The following ZFHX3 variants were observed in gnomAD, a reference collection of about 807,000 sequenced individuals.
ZFHX3 encodes the protein zinc finger homeobox 3, also known as zinc finger homeobox protein 3.
Under a neutral mutation model 279.1 loss-of-function variants are expected in ZFHX3, and 42 were observed. The observed-to-expected ratio is 0.15, with a 90% confidence interval of 0.12 to 0.19. ZFHX3 has a LOEUF of 0.19. Ranked by LOEUF, ZFHX3 falls within the 10% of genes least tolerant of loss-of-function variation. The pLI is 1.00. For synonymous variants in ZFHX3, 2,293 were observed against 1,957.8 expected, an observed-to-expected ratio of 1.17 and a Z score of -4.52; for missense variants, 4,981 against 4,754.0, an observed-to-expected ratio of 1.05 and a Z score of -1.40.
chr16:73,725,964 C>A (rs78957654), intron 1 of ZFHX3, among the ~76,000 whole-genome samples: 1 of 152,056 alleles, frequency 6.6e-6, no homozygotes, highest in African/African-American at 2.4e-5. Context: ...TATATGGATT[C>A]CTTTCACCAT....
intron 2 of ZFHX3, chr16:73,487,765 G>A (rs2018999760): frequency 6.2e-6 from 1 of 161,154 alleles, no homozygotes; most frequent in Non-Finnish European, 1.4e-5. Context: ...AGTTGTTTTG[G>A]CTGATGGGAC....
chr16:73,556,208 T>C (rs1039384431), intron 2 of ZFHX3, among the ~76,000 whole-genome samples: 41 of 152,162 alleles, frequency 2.7e-4, no homozygotes, highest in Non-Finnish European at 4.6e-4. Flanking sequence ...TTGGCTTTCA[T>C]AACAGCCACT....
intron 2 of ZFHX3, among the ~76,000 whole-genome samples, chr16:73,475,221 G>A (rs1862776): frequency 0.85 from 129,910 of 152,276 alleles, 55,743 homozygotes; most frequent in East Asian, 0.96. Context: ...TAAAATATTA[G>A]CGTATTCACC....
In ZFHX3 at chr16:72,906,747, G is replaced by A. The variant is rs967147045; in HGVS notation, c.3217-16785C>T. On this transcript the variant is annotated intron_variant, in intron 3 of 9. Coordinates refer to ENST00000268489, the MANE Select transcript of ZFHX3 (RefSeq NM_006885.4). ...TGGGAGCTGGAGGTTACAGTGAGCC[G>A]AGATCATGCCACTGCACTCCAGACT... 3.9e-5 allele frequency among the ~76,000 whole-genome samples: 6 copies of A among 152,118 alleles called. No individual in the cohort carries two copies. The South Asian group carries it at 6.2e-4, about 16-fold the overall frequency.
intron 2 of ZFHX3, among the ~76,000 whole-genome samples, chr16:73,581,396 T>C (rs1197564642): frequency 6.6e-6 from 1 of 151,788 alleles, no homozygotes; most frequent in Non-Finnish European, 1.5e-5. Flanking sequence ...TCATATACTG[T>C]TTGTATAAGT....
intron 5 of ZFHX3, among the ~76,000 whole-genome samples, chr16:73,203,194 T>C (rs1427136160): frequency 6.6e-6 from 1 of 151,996 alleles, no homozygotes; most frequent in Non-Finnish European, 1.5e-5. Flanking sequence ...GCCTTGAGGG[T>C]CGAGACTATG....
intron 8 of ZFHX3, among the ~76,000 whole-genome samples, chr16:73,087,810 C>T (rs1409193474): frequency 2.0e-5 from 3 of 151,914 alleles, no homozygotes; most frequent in African/African-American, 4.8e-5. Context: ...ACAAGCCAAG[C>T]CAAACTTTCA....
intron 1 of ZFHX3, among the ~76,000 whole-genome samples, chr16:73,875,036 T>C (rs905875962): frequency 6.6e-5 from 10 of 152,154 alleles, no homozygotes; most frequent in Non-Finnish European, 1.5e-4. Flanking sequence ...CAGAAAGAAC[T>C]TTTCCCGGGT....
intron 3 of ZFHX3, among the ~76,000 whole-genome samples, chr16:73,336,348 G>A (rs2015912509): frequency 1.3e-5 from 2 of 152,082 alleles, no homozygotes; most frequent in Non-Finnish European, 2.9e-5. Context: ...CGGACAATAA[G>A]CATAGCACCT....
intron 1 of ZFHX3, among the ~76,000 whole-genome samples, chr16:73,057,786 G>A (rs558819908): frequency 1.3e-5 from 2 of 151,108 alleles, no homozygotes; most frequent in East Asian, 1.9e-4. Flanking sequence ...CGCCCCCTCC[G>A]GGACCCCGTG....
chr16:73,542,382 C>A (rs532085279), intron 2 of ZFHX3, among the ~76,000 whole-genome samples: 1 of 151,794 alleles, frequency 6.6e-6, no homozygotes, highest in African/African-American at 2.4e-5. Flanking sequence ...TTTTTCCCAA[C>A]GTCCTTATTT....
chr16:73,075,873 G>A lies in ZFHX3; in HGVS notation c.-532-16861C>T, dbSNP rs141641864. ...TCTCGAACTCCTGACCTCGTGATGC[G>A]CCTGCCTCAGCCTCCCAAAGTGCTG... On this transcript the variant is annotated intron_variant, in intron 8 of 17. Transcript: ENST00000641206. Among the ~76,000 whole-genome samples, 371 of 151,996 alleles carry A rather than the reference G, an allele frequency of 2.4e-3. 1 individual carries two copies. Among genetic ancestry groups the A allele is most frequent in the African/African-American group, 8.4e-3 (347 of 41,430 alleles).
At chr16:73,485,438 A>AAAAG (rs2018956962) in intron 2 of ZFHX3, among the ~76,000 whole-genome samples, 3 of 144,834 alleles carry the variant, frequency 2.1e-5, no homozygotes, top group African/African-American at 5.1e-5. Context: ...AAAAAAAAAA[A>AAAAG]AAAAAAAAAC....
intron 5 of ZFHX3, among the ~76,000 whole-genome samples, chr16:73,210,041 G>A (rs548222872): frequency 1.3e-5 from 2 of 152,228 alleles, no homozygotes; most frequent in South Asian, 4.2e-4. Flanking sequence ...TGAAGTTTAT[G>A]GATACCCCAG....
At chr16:73,001,497 C>A (rs769936507) in intron 1 of ZFHX3, among the ~76,000 whole-genome samples, 2 of 152,164 alleles carry the variant, frequency 1.3e-5, no homozygotes, top group Non-Finnish European at 2.9e-5. Flanking sequence ...TAACAATACA[C>A]ATCTCCATTT....
chr16:73,562,595 CA>C (rs35887424), intron 2 of ZFHX3, among the ~76,000 whole-genome samples: 36,143 of 101,836 alleles, frequency 0.35, 5,257 homozygotes, highest in Middle Eastern at 0.45. Flanking sequence ...GACTCCGTCT[CA>C]AAAAAAAAAA....
intron 2 of ZFHX3, among the ~76,000 whole-genome samples, chr16:73,570,553 A>G (rs185267051): frequency 6.6e-6 from 1 of 152,322 alleles, no homozygotes; most frequent in Admixed American, 6.5e-5. Context: ...GACTTTCATG[A>G]TATGGAAGGC....
At chr16:72,826,138 C>T (rs1454810593) in intron 5 of ZFHX3, among the ~76,000 whole-genome samples, 2 of 152,174 alleles carry the variant, frequency 1.3e-5, no homozygotes. Context: ...AGATCACTAT[C>T]TTGCTTGCTG....
chr16:73,014,969 C>G (rs1343669030), intron 1 of ZFHX3: 1 of 151,714 alleles, frequency 6.6e-6, no homozygotes, highest in African/African-American at 2.4e-5. Context: ...TAGGGACCAG[C>G]TGAAACCTCT....
Sources: allele counts gnomAD v4.1 joint callset (sites outside exome capture counted in the v4.1 genomes callset), GRCh38; gene constraint gnomAD v4.1.1; transcripts MANE v1.5; gene names NCBI Gene and HGNC (gene_info 2026-07-23, HGNC 2026-07-21).